Variants in CTNNA3 observed in about 807,000 individuals in gnomAD.
The protein encoded by CTNNA3 is catenin alpha 3, also known as catenin alpha-3.
CTNNA3 carries 76 observed loss-of-function variants against 95.7 expected under a neutral mutation model. The observed-to-expected ratio is 0.79, with a 90% CI of 0.66 to 0.96. The LOEUF (loss-of-function observed/expected upper bound fraction) is 0.96, where lower values mean the gene tolerates loss of function less well. Among genes scored for constraint, CTNNA3 ranks in the 40% least tolerant of loss-of-function variants. The pLI is 0.00. For synonymous variants in CTNNA3, 431 were observed against 374.4 expected (o/e 1.15, Z -1.74); for missense variants, 1,191 against 1,089.8 (o/e 1.09, Z -1.31).
At chr10:67,192,874 G>A (rs1345033112) in intron 6 of CTNNA3, among the ~76,000 whole-genome samples, 1 of 151,744 alleles carries the variant, frequency 6.6e-6, no homozygotes, top group Non-Finnish European at 1.5e-5. Context: ...AATGAATAAA[G>A]AAATGGTCAT....
At chr10:67,724,019 C>A (rs1438096796) in intron 1 of CTNNA3, among the ~76,000 whole-genome samples, 1 of 152,178 alleles carries the variant, frequency 6.6e-6, no homozygotes, top group East Asian at 1.9e-4. Flanking sequence ...AACGGACATT[C>A]AACACAATTC....
intron 14 of CTNNA3, among the ~76,000 whole-genome samples, chr10:66,092,292 T>C (rs10996890): frequency 0.18 from 27,928 of 151,932 alleles, 3,125 homozygotes; most frequent in Middle Eastern, 0.24. Context: ...GAATCACTTC[T>C]CAGACTATTT....
At chr10:66,892,954 C>T (rs1845330407) in intron 7 of CTNNA3, among the ~76,000 whole-genome samples, 1 of 152,100 alleles carries the variant, frequency 6.6e-6, no homozygotes. Context: ...TGTGAATGAG[C>T]ATAATTATAT....
intron 5 of CTNNA3, among the ~76,000 whole-genome samples, chr10:67,306,596 A>G (rs1050735117): frequency 6.6e-6 from 1 of 152,188 alleles, no homozygotes; most frequent in African/African-American, 2.4e-5. Flanking sequence ...AGTTTCAAAA[A>G]TGGCAATGAG....
Position 65,916,610 on chromosome 10 carries a change from T to C in CTNNA3, c.*3720A>G, listed in dbSNP as rs1177593923. On this transcript the variant is annotated 3_prime_UTR_variant, in exon 18 of 18. Transcript: ENST00000433211. ...AATAGAAAGACTAAAGGAATAATGT[T>C]GCTGGAAATTAAAATTCATAATTTT... 2 of 152,174 alleles carry C rather than the reference T, an allele frequency of 1.3e-5. No homozygotes were observed. Among genetic ancestry groups the C allele is most frequent in the Non-Finnish European group, 2.9e-5 (2 of 68,024 alleles). 9.4% of individuals were successfully genotyped at this position (152,174 alleles called of 1,614,324 possible). A position where few individuals can be genotyped will look rare whatever the true frequency, so the allele number is the denominator to read the frequency against.
intron 11 of CTNNA3, among the ~76,000 whole-genome samples, chr10:66,490,217 A>C (rs1839876467): frequency 1.3e-5 from 2 of 152,024 alleles, no homozygotes; most frequent in South Asian, 4.2e-4. Context: ...ATATTTTCTG[A>C]ATTTTAGCTA....
In CTNNA3 at chr10:67,757,791, A is replaced by G. The variant is rs74535246; in HGVS notation, c.-2+5643T>C. ...TTGCTCCTCAATCTGCGGACAGCCT[A>G]TCGTGGGACTTTACCTTCTGATCGT... On this transcript the variant is annotated intron_variant, in intron 1 of 17. Coordinates refer to the CTNNA3 transcript ENST00000684154. Among the ~76,000 whole-genome samples, 6 of 152,272 alleles carry G rather than the reference A, an allele frequency of 3.9e-5. No homozygotes were observed. In the East Asian group the frequency reaches 1.2e-3, roughly 29 times the overall value.
intron 1 of CTNNA3, among the ~76,000 whole-genome samples, chr10:67,739,412 T>C (rs528629026): frequency 1.3e-5 from 2 of 152,212 alleles, no homozygotes; most frequent in African/African-American, 4.8e-5. Flanking sequence ...AAAACCCCAT[T>C]GTCTCAGCCC....
At chr10:66,498,543 G>A (rs902663229) in intron 11 of CTNNA3, among the ~76,000 whole-genome samples, 9 of 152,120 alleles carry the variant, frequency 5.9e-5, no homozygotes, top group East Asian at 1.9e-4. Context: ...CCCACATTTC[G>A]TATCACTTGT....
chr10:66,077,485 T>C (rs2080591171), intron 14 of CTNNA3, among the ~76,000 whole-genome samples: 1 of 151,870 alleles, frequency 6.6e-6, no homozygotes. Context: ...CTGGATTCTC[T>C]GGGCCTGAGA....
chr10:66,438,103 G>A (rs540159670), intron 11 of CTNNA3, among the ~76,000 whole-genome samples: 1 of 152,162 alleles, frequency 6.6e-6, no homozygotes, highest in South Asian at 2.1e-4. Context: ...CCAGATGCCA[G>A]CCAGAGCTCT....
intron 7 of CTNNA3, among the ~76,000 whole-genome samples, chr10:67,154,082 T>C (rs974447902): frequency 3.3e-5 from 5 of 152,146 alleles, no homozygotes; most frequent in African/African-American, 1.2e-4. Flanking sequence ...CTATATCCAA[T>C]GTATAAGTAT....
intron 1 of CTNNA3, among the ~76,000 whole-genome samples, chr10:67,725,698 T>A (rs999761514): frequency 5.9e-5 from 9 of 151,710 alleles, no homozygotes; most frequent in Non-Finnish European, 1.3e-4. Flanking sequence ...GTCAGGGGGA[T>A]GGTCTAAGGA....
chr10:67,128,567 T>C (rs1280989376), intron 7 of CTNNA3, among the ~76,000 whole-genome samples: 2 of 152,118 alleles, frequency 1.3e-5, no homozygotes, highest in East Asian at 3.9e-4. Flanking sequence ...GTAGAAATAT[T>C]TTCCTTTTGT....
chr10:67,045,642 A>T (rs2133163930), intron 7 of CTNNA3, among the ~76,000 whole-genome samples: 1 of 152,284 alleles, frequency 6.6e-6, no homozygotes, highest in Non-Finnish European at 1.5e-5. Context: ...TCCCAGGACT[A>T]GGGGCACTCC....
intron 13 of CTNNA3, among the ~76,000 whole-genome samples, chr10:66,217,307 C>G (rs1261297176): frequency 1.4e-5 from 2 of 148,146 alleles, no homozygotes; most frequent in African/African-American, 5.0e-5. Context: ...GAGCCGAGAT[C>G]ACGCCACTGC....
intron 12 of CTNNA3, among the ~76,000 whole-genome samples, chr10:66,312,188 T>C (rs893815284): frequency 7.2e-5 from 11 of 152,180 alleles, no homozygotes; most frequent in African/African-American, 2.7e-4. Context: ...TTAATATTCA[T>C]GACACACTCT....
intron 5 of CTNNA3, among the ~76,000 whole-genome samples, chr10:67,246,412 T>A (rs1027373120): frequency 3.9e-5 from 6 of 152,214 alleles, no homozygotes; most frequent in African/African-American, 1.4e-4. Context: ...AGATGCAAGA[T>A]GCTGGAATGT....
chr10:65,926,083 A>C (rs1365355199), intron 17 of CTNNA3, among the ~76,000 whole-genome samples: 3 of 150,226 alleles, frequency 2.0e-5, no homozygotes, highest in Non-Finnish European at 4.4e-5. Context: ...GATTACATAC[A>C]TGTTAAATAT....
Sources: gnomAD v4.1 joint callset for allele counts (sites outside exome capture counted in the v4.1 genomes callset) on GRCh38, gnomAD v4.1.1 for gene constraint, MANE v1.5 for transcripts, NCBI Gene and HGNC (gene_info 2026-07-23, HGNC 2026-07-21) for gene names.